The following DYRK1A variants were observed in gnomAD, a reference collection of about 807,000 sequenced individuals.
DYRK1A encodes the protein dual specificity tyrosine-phosphorylation-regulated kinase 1A.
A neutral mutation model predicts 79.7 loss-of-function variants in DYRK1A; 9 were observed. The ratio of observed to expected loss-of-function variants is 0.11; its 90% CI spans 0.07 to 0.20. The LOEUF is 0.20. Among genes scored for constraint, DYRK1A ranks in the 10% least tolerant of loss-of-function variants. DYRK1A has a pLI of 1.00. For missense variants in DYRK1A, 622 were observed against 956.0 expected (o/e 0.65, Z 4.61); for synonymous variants, 349 against 329.7 (o/e 1.06, Z -0.63).
intron 2 of DYRK1A, among the ~76,000 whole-genome samples, chr21:37,422,552 T>TA (rs2050504393): frequency 6.6e-6 from 1 of 152,154 alleles, no homozygotes; most frequent in Non-Finnish European, 1.5e-5. Flanking sequence ...TGTGGTAACT[T>TA]ACTCTCATCT....
rs1049769 is a variant in DYRK1A at position 37,480,691 on chromosome 21, T to C, written c.354T>C (p.Ser118=). ...ACCAACAGGGCCAGGGAGACGATTC[T>C]AGTCATAAGAAGGAACGGAAGGTTT... ...RRHQQGQGDD[S]SHKKERKVYN... The change falls in exon 5 of 12, where the codon TCT becomes TCC. Residue 118 remains serine (S), a synonymous_variant. Coordinates refer to ENST00000647188, the MANE Select transcript of DYRK1A (RefSeq NM_001347721.2). 2 of 1,612,288 alleles carry C rather than the reference T, an allele frequency of 1.2e-6. No homozygotes were observed.
intron 5 of DYRK1A, among the ~76,000 whole-genome samples, chr21:37,481,847 T>C (rs1415128166): frequency 6.8e-6 from 1 of 147,338 alleles, no homozygotes; most frequent in African/African-American, 2.7e-5. Flanking sequence ...CTCTATTCAT[T>C]TAAAAAAAAA....
chr21:37,471,220 G>A lies in DYRK1A; in HGVS notation c.11-1464G>A, dbSNP rs1021782999. On this transcript the variant is annotated intron_variant, in intron 2 of 11. Transcript: ENST00000647188. ...TATATGTGGTGATGTAGATGAAAAG[G>A]TTGTGTTTGAGTATTCTGTTAGGAG... Among the ~76,000 whole-genome samples the A allele has an allele frequency of 3.3e-5, 5 of 152,344 alleles. 1 individual carries two copies. The South Asian group carries it at 8.3e-4, about 25-fold the overall frequency.
Position 37,526,358 on chromosome 21 carries a change from A to G in DYRK1A, c.*13827A>G, listed in dbSNP as rs2053967788. The stretch of plus-strand genomic sequence containing the variant: ...TTATGTAATAAATATGCTAAGCTAA[A>G]CATCTTATGCTCATGAGCTGGGTGC... On this transcript the variant is annotated 3_prime_UTR_variant, in exon 12 of 12. Coordinates refer to ENST00000647188, the MANE Select transcript of DYRK1A (RefSeq NM_001347721.2). The G allele has an allele frequency of 6.6e-6, 1 of 152,164 alleles. No individual in the cohort carries two copies. The highest frequency in any genetic ancestry group is 2.1e-4 in the South Asian group (1 of 4,828). 9.4% of individuals were successfully genotyped at this position (152,164 alleles called of 1,614,324 possible).
At position 37,519,902 on chromosome 21, in the gene DYRK1A, C is replaced by G. The variant is rs572175118; in HGVS notation, c.*7371C>G. On this transcript the variant is annotated 3_prime_UTR_variant, in exon 12 of 12. Transcript: ENST00000647188. Reference sequence around the variant, plus strand: ...GACTACTGGCGCCCGCCACCACGCCCGGCTAATTTTTTTTGTGTATTTTTA... The same window carrying G: ...GACTACTGGCGCCCGCCACCACGCCGGGCTAATTTTTTTTGTGTATTTTTA... 3 of 152,048 alleles carry G rather than the reference C, an allele frequency of 2.0e-5. No individual in the cohort carries two copies. The highest frequency in any genetic ancestry group is 4.4e-5 in the Non-Finnish European group (3 of 68,104). The allele number at this position is 152,048 out of a possible 1,614,324, so 9.4% of individuals were successfully genotyped here. A position where few individuals can be genotyped will look rare whatever the true frequency, so the allele number is the denominator to read the frequency against.
intron 6 of DYRK1A, chr21:37,488,137 T>G (rs1282072193): frequency 1.3e-5 from 2 of 155,834 alleles, no homozygotes; most frequent in African/African-American, 4.8e-5. Flanking sequence ...CAGTTATGTA[T>G]AATGCTAGTA....
chr21:37,491,522 A>G (rs780538763), intron 7 of DYRK1A, among the ~76,000 whole-genome samples: 5 of 152,200 alleles, frequency 3.3e-5, no homozygotes, highest in Admixed American at 6.5e-5. Context: ...TAACTATAAC[A>G]GATTAATTTA....
intron 1 of DYRK1A, among the ~76,000 whole-genome samples, chr21:37,371,176 A>G (rs546908645): frequency 2.0e-4 from 31 of 152,358 alleles, no homozygotes; most frequent in African/African-American, 6.5e-4. Context: ...TGTCAGTGCT[A>G]CAATTTTAAG....
chr21:37,379,577 G>A (rs77287961), intron 1 of DYRK1A, among the ~76,000 whole-genome samples: 1,532 of 152,302 alleles, frequency 0.01, 10 homozygotes, highest in South Asian at 0.019. Flanking sequence ...TTACATTAGG[G>A]ACAGGTGGAA....
intron 2 of DYRK1A, among the ~76,000 whole-genome samples, chr21:37,435,133 A>G (rs2050886850): frequency 6.6e-6 from 1 of 152,236 alleles, no homozygotes; most frequent in Non-Finnish European, 1.5e-5. Context: ...TGAAAGTGTT[A>G]ACAGCAAGTT....
At chr21:37,380,177 C>T (rs1394368350) in intron 1 of DYRK1A, among the ~76,000 whole-genome samples, 1 of 152,102 alleles carries the variant, frequency 6.6e-6, no homozygotes, top group Non-Finnish European at 1.5e-5. Context: ...GACTCTAGCC[C>T]TTAAGACAAA....
chr21:37,401,253 T>C (rs2050047302), intron 1 of DYRK1A, among the ~76,000 whole-genome samples: 1 of 152,260 alleles, frequency 6.6e-6, no homozygotes, highest in East Asian at 1.9e-4. Context: ...GAATAAAATA[T>C]AAGCATATGT....
chr21:37,507,383 C>T (rs553876326), intron 11 of DYRK1A, among the ~76,000 whole-genome samples: 1 of 152,270 alleles, frequency 6.6e-6, no homozygotes, highest in East Asian at 1.9e-4. Flanking sequence ...TCAGGCCTCT[C>T]CCATCTTAAG....
chr21:37,401,261 T>A lies in DYRK1A; in HGVS notation c.-76-19038T>A, dbSNP rs75487371. Among the ~76,000 whole-genome samples, 486 of 152,262 alleles carry A rather than the reference T, an allele frequency of 3.2e-3. 14 individuals are homozygous for A. The East Asian group carries it at 0.064, about 20-fold the overall frequency. On this transcript the variant is annotated intron_variant, in intron 1 of 11. Transcript: ENST00000647188. ...CCATTGTGAATAAAATATAAGCATA[T>A]GTAGTGTTTAAAAAAAAGATGTTCA... is the stretch of plus-strand genomic sequence containing the variant.
Position 37,519,748 on chromosome 21 carries a change from T to TC in DYRK1A, c.*7217_*7218insC, listed in dbSNP as rs1555999068. The stretch of plus-strand genomic sequence containing the variant: ...TTTGTTGTGGGAAGTTTTTTTTTTT[T>TC]TTTTTTTTTTTGAGGCGGAGTCTCG... On this transcript the variant is annotated 3_prime_UTR_variant, in exon 12 of 12. Transcript: ENST00000647188. 1 of 126,718 alleles carries TC rather than the reference T, an allele frequency of 7.9e-6. No homozygotes were observed. The highest frequency in any genetic ancestry group is 1.6e-5 in the Non-Finnish European group (1 of 63,478). 7.8% of individuals were successfully genotyped at this position (126,718 alleles called of 1,614,324 possible).
intron 1 of DYRK1A, among the ~76,000 whole-genome samples, chr21:37,389,801 T>C (rs2049835299): frequency 6.6e-6 from 1 of 152,158 alleles, no homozygotes; most frequent in Non-Finnish European, 1.5e-5. Context: ...GGGTCTCAGG[T>C]TGGGGTTGTG....
chr21:37,446,038 C>T (rs1439023942), intron 2 of DYRK1A, among the ~76,000 whole-genome samples: 1 of 152,186 alleles, frequency 6.6e-6, no homozygotes, highest in East Asian at 1.9e-4. Flanking sequence ...ATCCCTGCTT[C>T]TAAAACGGTA....
Position 37,512,704 on chromosome 21 carries a change from G to A in DYRK1A, c.*173G>A. On this transcript the variant is annotated 3_prime_UTR_variant, in exon 12 of 12. Coordinates refer to ENST00000647188, the MANE Select transcript of DYRK1A (RefSeq NM_001347721.2). ...GAAAAGATTGCAAAGGGACATTGAA[G>A]TGTTTAAAAGAGCCATGTCCAAACC... 1.4e-6 allele frequency: 1 copy of A among 727,318 alleles called. No homozygotes were observed. The highest frequency in any genetic ancestry group is 2.2e-6 in the Non-Finnish European group (1 of 454,428). 45.1% of individuals were successfully genotyped at this position (727,318 alleles called of 1,614,324 possible).
At chr21:37,438,694 T>C (rs2050998065) in intron 2 of DYRK1A, among the ~76,000 whole-genome samples, 1 of 152,232 alleles carries the variant, frequency 6.6e-6, no homozygotes. Context: ...TTTGTCCTGA[T>C]ACCAATACCA....
Sources: gnomAD v4.1 joint callset for allele counts (sites outside exome capture counted in the v4.1 genomes callset) on GRCh38, gnomAD v4.1.1 for gene constraint, MANE v1.5 for transcripts, NCBI Gene and HGNC (gene_info 2026-07-23, HGNC 2026-07-21) for gene names.